Variants in TENM2 observed in about 807,000 individuals in gnomAD.
The protein encoded by TENM2 is teneurin transmembrane protein 2.
In TENM2, 52 loss-of-function variants were observed where a neutral mutation model predicts 245.2. The ratio of observed to expected loss-of-function variants is 0.21; its 90% CI spans 0.17 to 0.27. The LOEUF (loss-of-function observed/expected upper bound fraction) is 0.27, where lower values mean the gene tolerates loss of function less well. Among genes scored for constraint, TENM2 ranks in the 10% least tolerant of loss-of-function variants. The pLI is 1.00. For missense variants in TENM2, 3,046 were observed against 3,666.8 expected, an observed-to-expected ratio of 0.83 and a Z score of 4.37; for synonymous variants, 1,363 against 1,438.9, an observed-to-expected ratio of 0.95 and a Z score of 1.19.
intron 2 of TENM2, among the ~76,000 whole-genome samples, chr5:167,484,331 C>T (rs1216437729): frequency 6.6e-6 from 1 of 152,110 alleles, no homozygotes; most frequent in East Asian, 1.9e-4. Flanking sequence ...GATCAAATTA[C>T]AGTGAGGTCA....
intron 2 of TENM2, among the ~76,000 whole-genome samples, chr5:167,792,693 A>G (rs1477723134): frequency 6.6e-6 from 1 of 151,868 alleles, no homozygotes; most frequent in African/African-American, 2.4e-5. Flanking sequence ...GAGGTCAGAT[A>G]AATCTGCATG....
At chr5:167,810,867 A>T (rs1481212554) in intron 2 of TENM2, among the ~76,000 whole-genome samples, 2 of 152,164 alleles carry the variant, frequency 1.3e-5, no homozygotes, top group East Asian at 3.9e-4. Flanking sequence ...AAGGAAAGGC[A>T]CTGTAACACA....
the TENM2 span, among the ~76,000 whole-genome samples, chr5:167,187,927 C>T: frequency 6.6e-6 from 1 of 152,120 alleles, no homozygotes; most frequent in African/African-American, 2.4e-5. Context: ...TTTCACATTT[C>T]TCCCCCTGGC....
intron 3 of TENM2, among the ~76,000 whole-genome samples, chr5:167,885,463 C>T (rs1561896339): frequency 6.6e-6 from 1 of 152,088 alleles, no homozygotes; most frequent in Non-Finnish European, 1.5e-5. Context: ...GCATTAGGAG[C>T]TGGCTTGTCA....
At chr5:167,759,568 A>G (rs1486255353) in intron 2 of TENM2, among the ~76,000 whole-genome samples, 1 of 152,152 alleles carries the variant, frequency 6.6e-6, no homozygotes, top group East Asian at 1.9e-4. Flanking sequence ...AAGTGGGGGT[A>G]TATATGAGTC....
intron 23 of TENM2, among the ~76,000 whole-genome samples, chr5:168,224,602 C>T (rs1264468424): frequency 1.3e-5 from 2 of 152,154 alleles, no homozygotes; most frequent in East Asian, 1.9e-4. Flanking sequence ...TTCCACCGCT[C>T]ACAGGCCCTC....
the TENM2 span, among the ~76,000 whole-genome samples, chr5:167,269,754 C>G: frequency 6.6e-6 from 1 of 152,144 alleles, no homozygotes; most frequent in African/African-American, 2.4e-5. Flanking sequence ...TTACATTCTT[C>G]CCCACAAGAT....
chr5:167,914,221 A>G (rs761771094), intron 3 of TENM2, among the ~76,000 whole-genome samples: 93 of 152,222 alleles, frequency 6.1e-4, no homozygotes, highest in Non-Finnish European at 9.7e-4. Flanking sequence ...TGTGGCTTTA[A>G]AAACACACAT....
chr5:167,749,599 C>T (rs915719843), intron 2 of TENM2, among the ~76,000 whole-genome samples: 3 of 150,876 alleles, frequency 2.0e-5, no homozygotes, highest in Non-Finnish European at 4.4e-5. Flanking sequence ...GATCATGCCA[C>T]TGTACTCCAG....
the TENM2 span, among the ~76,000 whole-genome samples, chr5:167,090,632 G>T: frequency 2.0e-5 from 3 of 151,668 alleles, no homozygotes; most frequent in African/African-American, 4.8e-5. Flanking sequence ...GATTTTTTTT[G>T]ATTGCTTAGT....
intron 4 of TENM2, among the ~76,000 whole-genome samples, chr5:167,964,592 A>T (rs1347093026): frequency 6.6e-6 from 1 of 152,234 alleles, no homozygotes; most frequent in Admixed American, 6.5e-5. Context: ...CAGACAGAAC[A>T]TAAACAAATG....
At chr5:168,211,888 T>C in intron 20 of TENM2, 134 bp downstream of exon 22, 1 of 563,038 alleles carries the variant, frequency 1.8e-6, no homozygotes, top group South Asian at 2.4e-5. Flanking sequence ...TTTTATGTGC[T>C]AATTGTGTGT....
chr5:167,984,161 G>T (rs1289458525), intron 4 of TENM2, among the ~76,000 whole-genome samples: 1 of 152,158 alleles, frequency 6.6e-6, no homozygotes, highest in Non-Finnish European at 1.5e-5. Flanking sequence ...GCAAACCCTG[G>T]TTGTCTCAGT....
chr5:167,000,700 C>T, the TENM2 span, among the ~76,000 whole-genome samples: 35 of 152,196 alleles, frequency 2.3e-4, no homozygotes, highest in East Asian at 3.7e-3. Flanking sequence ...TTACACATAG[C>T]GATACCCCAC....
chr5:167,355,986 C>T (rs1026855025), intron 1 of TENM2, among the ~76,000 whole-genome samples: 1 of 150,522 alleles, frequency 6.6e-6, no homozygotes, highest in African/African-American at 2.4e-5. Flanking sequence ...AGTTCAAGAC[C>T]ACCCTGGCCA....
chr5:167,401,398 A>G (rs1416196063), intron 2 of TENM2, among the ~76,000 whole-genome samples: 3 of 152,096 alleles, frequency 2.0e-5, no homozygotes, highest in Admixed American at 2.0e-4. Context: ...TCAAATTATA[A>G]TTCTAAAAAT....
chr5:166,993,214 A>G, the TENM2 span, among the ~76,000 whole-genome samples: 1 of 152,216 alleles, frequency 6.6e-6, no homozygotes, highest in East Asian at 1.9e-4. Context: ...AGCTGCTTAC[A>G]TAATACCCAG....
intron 2 of TENM2, among the ~76,000 whole-genome samples, chr5:167,842,163 G>A (rs1200568978): frequency 6.6e-6 from 1 of 152,028 alleles, no homozygotes. Flanking sequence ...GCCATCTGTA[G>A]TACTCTAAAA....
At chr5:167,510,950 TAAAAG>T (rs373213498) in intron 2 of TENM2, among the ~76,000 whole-genome samples, 8 of 151,414 alleles carry the variant, frequency 5.3e-5, no homozygotes, top group East Asian at 1.9e-4. Flanking sequence ...AAAAAAAAAA[TAAAAG>T]AAAGAGAGAG....
Sources: allele counts gnomAD v4.1 joint callset (sites outside exome capture counted in the v4.1 genomes callset), GRCh38; gene constraint gnomAD v4.1.1; transcripts MANE v1.5; gene names NCBI Gene and HGNC (gene_info 2026-07-23, HGNC 2026-07-21).